Variants in RIOK1 observed in about 807,000 individuals in gnomAD.
RIOK1 encodes serine/threonine-protein kinase RIO1.
A neutral mutation model predicts 73.5 loss-of-function variants in RIOK1; 66 were observed. The observed-to-expected ratio is 0.90, with a 90% CI of 0.74 to 1.10. The LOEUF is 1.10. Ranked by LOEUF, RIOK1 falls within the 50% of genes least tolerant of loss-of-function variation. The pLI, the probability that RIOK1 is intolerant of heterozygous loss-of-function variation, is 0.00. For missense variants in RIOK1, 658 were observed against 699.8 expected, an observed-to-expected ratio of 0.94 and a Z score of 0.67; for synonymous variants, 224 against 226.8, an observed-to-expected ratio of 0.99 and a Z score of 0.11.
intron 5 of RIOK1, among the ~76,000 whole-genome samples, chr6:7,399,339 C>T (rs1489293072): frequency 6.6e-6 from 1 of 152,144 alleles, no homozygotes; most frequent in Non-Finnish European, 1.5e-5. Context: ...CTCCCATATA[C>T]ACAAGCACAT....
At chr6:7,405,388 TAGC>T (rs1416866105) in intron 12 of RIOK1, 33 bp downstream of exon 12, 2 of 1,245,102 alleles carry the variant, frequency 1.6e-6, no homozygotes, top group Non-Finnish European at 2.4e-6. Flanking sequence ...GAATAGGAAA[TAGC>T]AGTACAGGTG....
chr6:7,396,856 G>T, intron 4 of RIOK1, 84 bp downstream of exon 4: 1 of 755,234 alleles, frequency 1.3e-6, no homozygotes. Flanking sequence ...TTTTACAGAG[G>T]ATGTTCATTT....
At chr6:7,413,013 GT>G in intron 15 of RIOK1, 71 bp downstream of exon 15, 1 of 725,912 alleles carries the variant, frequency 1.4e-6, no homozygotes, top group Non-Finnish European at 2.2e-6. Context: ...TAGTCATACT[GT>G]TTTTTATTAT....
At chr6:7,400,408 G>A (rs935827902) in intron 5 of RIOK1, among the ~76,000 whole-genome samples, 1 of 152,114 alleles carries the variant, frequency 6.6e-6, no homozygotes, top group Non-Finnish European at 1.5e-5. Flanking sequence ...TGTCCACGAC[G>A]GTAGCCACTG....
intron 6 of RIOK1, 22 bp from the exon 7 acceptor site, chr6:7,402,580 CT>C (rs748668561): frequency 0.013 from 15,466 of 1,231,244 alleles, no homozygotes; most frequent in South Asian, 0.022. Flanking sequence ...ACTTCATTTT[CT>C]TTTTTTTTTG....
At chr6:7,413,479 AT>A (rs1298727792) in intron 15 of RIOK1, among the ~76,000 whole-genome samples, 1 of 152,188 alleles carries the variant, frequency 6.6e-6, no homozygotes, top group Non-Finnish European at 1.5e-5. Context: ...AGCAGTCTTT[AT>A]TTTTTTAAAT....
intron 5 of RIOK1, 151 bp from the exon 6 acceptor site, chr6:7,400,807 G>A (rs929281010): frequency 5.5e-6 from 3 of 549,610 alleles, no homozygotes; most frequent in African/African-American, 4.0e-5. Context: ...AACAATTAGA[G>A]TGAATAAAAG....
intron 16 of RIOK1, among the ~76,000 whole-genome samples, 168 bp downstream of exon 16, chr6:7,414,558 T>C (rs1276414703): frequency 6.6e-6 from 1 of 152,220 alleles, no homozygotes; most frequent in East Asian, 1.9e-4. Context: ...GGTGGTAACA[T>C]TATCTTGAGA....
intron 4 of RIOK1, among the ~76,000 whole-genome samples, chr6:7,398,350 A>G (rs1188341925): frequency 6.6e-6 from 1 of 152,142 alleles, no homozygotes; most frequent in Non-Finnish European, 1.5e-5. Flanking sequence ...TTGTGTGCTA[A>G]CAGAATCATT....
chr6:7,412,389 T>C (rs1245265727), intron 14 of RIOK1, among the ~76,000 whole-genome samples: 5 of 149,422 alleles, frequency 3.3e-5, no homozygotes, highest in Non-Finnish European at 5.9e-5. Context: ...GTACGGAGGC[T>C]CACACCTGTA....
chr6:7,405,438 G>A (rs1761722316), intron 12 of RIOK1, 83 bp downstream of exon 12: 7 of 821,036 alleles, frequency 8.5e-6, no homozygotes, highest in Non-Finnish European at 1.4e-5. Context: ...GACCAGAAGT[G>A]TTTTGGATTT....
intron 16 of RIOK1, 120 bp downstream of exon 16, chr6:7,414,510 A>G: frequency 4.2e-6 from 4 of 949,914 alleles, no homozygotes; most frequent in Non-Finnish European, 6.2e-6. Context: ...AAGTACCTCT[A>G]ATTACAGTTT....
In RIOK1 at chr6:7,398,738, C is replaced by G. The variant is rs1219522100; in HGVS notation, c.478C>G (p.Gln160Glu). The change falls in exon 5 of 17, where the codon CAG becomes GAG. Residue 160 changes from glutamine to glutamate, a missense_variant and splice_region_variant. By Grantham distance (29) the Gln-to-Glu change is conservative. Transcript: ENST00000379834. ...TAAGGCAGACAGAGCAACTGTAGAA[C>G]AGGTACAATTTAAATGTGTTGCAAA... is the stretch of plus-strand genomic sequence containing the variant. The part of the protein sequence containing the change: ...KDKADRATVE[Q>E]VLDPRTRMIL... 1 of 1,609,932 alleles carries G rather than the reference C, an allele frequency of 6.2e-7. No individual in the cohort carries two copies. Among genetic ancestry groups the G allele is most frequent in the East Asian group, 2.2e-5 (1 of 44,796 alleles).
intron 2 of RIOK1, among the ~76,000 whole-genome samples, chr6:7,394,816 T>A (rs1761431516): frequency 6.6e-6 from 1 of 152,204 alleles, no homozygotes; most frequent in East Asian, 1.9e-4. Flanking sequence ...ATAAGAGGAA[T>A]CATAGAGAAG....
intron 1 of RIOK1, chr6:7,392,814 A>G (rs1214611485): frequency 2.4e-6 from 1 of 423,338 alleles, no homozygotes; most frequent in Non-Finnish European, 3.2e-6. Context: ...AGCAGAGAAG[A>G]TAACAATATA....
chr6:7,405,834 AGCTTTTT>A (rs1561878976), intron 12 of RIOK1, among the ~76,000 whole-genome samples: 1 of 147,560 alleles, frequency 6.8e-6, no homozygotes. Context: ...TTGATATCCA[AGCTTTTT>A]ACTTCAATTA....
chr6:7,412,772 T>A, intron 14 of RIOK1, 117 bp from the exon 15 acceptor site: 1 of 441,150 alleles, frequency 2.3e-6, no homozygotes, highest in Non-Finnish European at 4.0e-6. Flanking sequence ...TTAGATACCT[T>A]TTTATAATCA....
At chr6:7,407,071 A>G (rs967653197) in intron 12 of RIOK1, among the ~76,000 whole-genome samples, 1 of 152,236 alleles carries the variant, frequency 6.6e-6, no homozygotes, top group African/African-American at 2.4e-5. Context: ...CCTTCTGGCT[A>G]TTCTGAATAA....
intron 14 of RIOK1, among the ~76,000 whole-genome samples, chr6:7,412,360 CAAA>C (rs555194421): frequency 9.3e-6 from 1 of 107,702 alleles, no homozygotes; most frequent in African/African-American, 3.5e-5. Context: ...AACTCTGTCT[CAAA>C]AAAAAAAAAG....
Sources: gnomAD v4.1 joint callset for allele counts (sites outside exome capture counted in the v4.1 genomes callset) on GRCh38, gnomAD v4.1.1 for gene constraint, MANE v1.5 for transcripts, NCBI Gene and HGNC (gene_info 2026-07-23, HGNC 2026-07-21) for gene names.